COL9A2: variants seen among roughly 807,000 people sequenced by gnomAD.
The protein encoded by COL9A2 is collagen type IX alpha 2 chain.
In COL9A2, 66 loss-of-function variants were observed where a neutral mutation model predicts 111.6. That is an observed-to-expected ratio of 0.59 (90% confidence interval 0.48 to 0.73). The LOEUF is 0.73. COL9A2 is among the 30% of genes least tolerant of loss of function. The pLI is 0.00. For synonymous variants in COL9A2, 353 were observed against 364.1 expected (o/e 0.97, Z 0.35); for missense variants, 881 against 954.1 (o/e 0.92, Z 1.01).
Position 40,310,714 on chromosome 1 carries a change from C to T in COL9A2, c.684G>A (p.Pro228=), listed in dbSNP as rs147480957. Reference sequence around the variant, plus strand: ...GCCACTGAGGCAAGGTGTTCCTTACCGGTGGTCCAGGGATGCCTTGCTCTC... The same window carrying T: ...GCCACTGAGGCAAGGTGTTCCTTACTGGTGGTCCAGGGATGCCTTGCTCTC... ...ASGEQGIPGP[P]GPQGIRGYPG... The change falls in exon 13 of 32, where the codon CCG becomes CCA. Residue 228 remains proline, a splice_region_variant and synonymous_variant. Transcript: ENST00000372748. The surrounding 1 kb of genome is among the most constrained non-coding windows in gnomAD (Gnocchi z 4.9). 19 of 1,567,054 alleles carry T rather than the reference C, an allele frequency of 1.2e-5. 1 individual carries two copies. The highest frequency in any genetic ancestry group is 1.7e-4 in the Middle Eastern group (1 of 6,034).
intron 30 of COL9A2, 39 bp from the exon 31 acceptor site, chr1:40,301,928 G>C (rs761473011): frequency 6.4e-7 from 1 of 1,571,342 alleles, no homozygotes; most frequent in Admixed American, 1.7e-5. Context: ...TTCAGAATTG[G>C]AAAATGCTTT....
chr1:40,316,750 C>T lies in COL9A2; in HGVS notation c.75+373G>A. The T allele has an allele frequency of 2.7e-6, 1 of 364,036 alleles. No individual in the cohort carries two copies. Among genetic ancestry groups the T allele is most frequent in the Non-Finnish European group, 5.1e-6 (1 of 195,760 alleles). 22.6% of individuals were successfully genotyped at this position (364,036 alleles called of 1,614,324 possible). The stretch of plus-strand genomic sequence containing the variant: ...GGGCGACAGCGGCGTCTGGTTGGAG[C>T]CGGCGCCCCCTGGGAGGCGGCGGGG... On this transcript the variant is annotated intron_variant, in intron 1 of 31. Coordinates refer to ENST00000372748, the MANE Select transcript of COL9A2 (RefSeq NM_001852.4). This position sits in a 1 kb window ranked among gnomAD's most constrained non-coding sequence, Gnocchi z 5.5.
At chr1:40,309,011 C>T (rs935199946) in intron 16 of COL9A2, among the ~76,000 whole-genome samples, 5 of 152,062 alleles carry the variant, frequency 3.3e-5, no homozygotes, top group Non-Finnish European at 7.4e-5. Context: ...TTTGGGAGGC[C>T]GAGGCAGGTG....
chr1:40,309,766 A>G (rs1644089026), intron 16 of COL9A2, among the ~76,000 whole-genome samples, 172 bp downstream of exon 16: 1 of 151,708 alleles, frequency 6.6e-6, no homozygotes, highest in Non-Finnish European at 1.5e-5. Context: ...CTGTACACAT[A>G]CACTCATATA....
intron 19 of COL9A2, 80 bp from the exon 20 acceptor site, chr1:40,306,267 A>C: frequency 6.6e-7 from 1 of 1,508,254 alleles, no homozygotes; most frequent in Non-Finnish European, 9.2e-7. Flanking sequence ...CCCATCCCCA[A>C]TCCAGATTTC....
intron 16 of COL9A2, among the ~76,000 whole-genome samples, chr1:40,309,222 A>G (rs1321923304): frequency 6.6e-6 from 1 of 152,196 alleles, no homozygotes; most frequent in Non-Finnish European, 1.5e-5. Context: ...CCTGGGCAAC[A>G]AGAATAAAAC....
chr1:40,315,178 G>A, intron 2 of COL9A2: 1 of 989,160 alleles, frequency 1.0e-6, no homozygotes, highest in Non-Finnish European at 1.2e-6. Flanking sequence ...AAAACCGAAG[G>A]GAAGAGACAG....
intron 21 of COL9A2, chr1:40,305,066 T>TC (rs1644004196): frequency 5.5e-6 from 2 of 361,644 alleles, no homozygotes; most frequent in Non-Finnish European, 9.8e-6. Flanking sequence ...TCTTTCTTTT[T>TC]TTTTTTTTTT....
chr1:40,301,699 C>G (rs1440880654), intron 31 of COL9A2, 113 bp downstream of exon 31: 6 of 1,042,990 alleles, frequency 5.8e-6, no homozygotes, highest in Non-Finnish European at 7.1e-6. Flanking sequence ...AGCTGGGTAT[C>G]AAGGACTGAG....
At chr1:40,304,150 T>TC (rs1206133461) in intron 24 of COL9A2, 51 bp from the exon 25 acceptor site, 1 of 1,522,096 alleles carries the variant, frequency 6.6e-7, no homozygotes, top group Admixed American at 2.0e-5. Context: ...CTCCACGGGG[T>TC]CCCCCACCTA....
At chr1:40,309,063 G>A (rs1242795929) in intron 16 of COL9A2, among the ~76,000 whole-genome samples, 3 of 152,130 alleles carry the variant, frequency 2.0e-5, no homozygotes, top group Non-Finnish European at 4.4e-5. Context: ...CTAACATGGT[G>A]AAACCCTGTC....
intron 1 of COL9A2, chr1:40,315,946 G>A (rs1045776175): frequency 1.7e-5 from 6 of 353,366 alleles, no homozygotes; most frequent in Non-Finnish European, 2.6e-5. Context: ...GAGAGTGGGC[G>A]GCGGCGCCAG....
At chr1:40,301,402 A>G in intron 31 of COL9A2, 21 bp from the exon 32 acceptor site, 1 of 1,598,142 alleles carries the variant, frequency 6.3e-7, no homozygotes, top group Non-Finnish European at 8.5e-7. Flanking sequence ...GAGAAAGTCA[A>G]GACATTAGGG....
chr1:40,311,420 C>T lies in COL9A2; in HGVS notation c.519+80G>A. ...AGCCCCTCCCCATCTCTCCAGACAC[C>T]CCCATCTCCGTGGCCCCGCCTCCCC... On this transcript the variant is annotated intron_variant, in intron 10 of 31. Transcript: ENST00000372748. The surrounding 1 kb of genome is among the most constrained non-coding windows in gnomAD (Gnocchi z 5.1). 1 of 1,586,520 alleles carries T rather than the reference C, an allele frequency of 6.3e-7. No homozygotes were observed. The highest frequency in any genetic ancestry group is 8.6e-7 in the Non-Finnish European group (1 of 1,161,672).
rs1275315686 is a variant in COL9A2 at position 40,303,075 on chromosome 1, G to A, written c.1603+56C>T. 3 of 1,556,802 alleles carry A rather than the reference G, an allele frequency of 1.9e-6. No individual in the cohort carries two copies. The highest frequency in any genetic ancestry group is 2.6e-6 in the Non-Finnish European group (3 of 1,140,092). On this transcript the variant is annotated intron_variant, in intron 29 of 31. Transcript: ENST00000372748. The surrounding 1 kb of genome is among the most constrained non-coding windows in gnomAD (Gnocchi z 4.6). ...GAACACGTGGAGGCTCCGGGAGGGG[G>A]TGAGGGGGCGGCGATGCCCTCGAAC...
At chr1:40,306,421 A>G (rs1270680553) in intron 19 of COL9A2, among the ~76,000 whole-genome samples, 1 of 152,224 alleles carries the variant, frequency 6.6e-6, no homozygotes, top group Non-Finnish European at 1.5e-5. Flanking sequence ...AGAGATGGAT[A>G]TGTGCTCTCA....
At chr1:40,304,652 T>C (rs1643995016) in intron 22 of COL9A2, 123 bp from the exon 23 acceptor site, 1 of 1,410,010 alleles carries the variant, frequency 7.1e-7, no homozygotes, top group Non-Finnish European at 9.8e-7. Context: ...AGGGGGTCCT[T>C]TCTCCACTTG....
chr1:40,303,585 C>T lies in COL9A2; in HGVS notation c.1493G>A (p.Arg498Gln), dbSNP rs901545048. 1 of 1,609,268 alleles carries T rather than the reference C, an allele frequency of 6.2e-7. No individual in the cohort carries two copies. Among genetic ancestry groups the T allele is most frequent in the African/African-American group, 1.3e-5 (1 of 74,866 alleles). The change falls in exon 28 of 32, where the codon CGA (arginine) becomes CAA (glutamine). Residue 498 changes from arginine to glutamine, a missense_variant. Physicochemically the swap from Arg to Gln is conservative, Grantham distance 43 (BLOSUM62 1). Coordinates refer to ENST00000372748, the MANE Select transcript of COL9A2 (RefSeq NM_001852.4). This position sits in a 1 kb window ranked among gnomAD's most constrained non-coding sequence, Gnocchi z 4.6. ...VQGYPGPPGPRGLAGNRGVPG... is the reference protein window; with the variant it reads ...VQGYPGPPGPQGLAGNRGVPG... Reference sequence around the variant, plus strand: ...CACGCCTCGGTTCCCGGCCAGTCCTCGAGGGCCGGGGGGACCAGGGTAGCC... The same window carrying T: ...CACGCCTCGGTTCCCGGCCAGTCCTTGAGGGCCGGGGGGACCAGGGTAGCC...
intron 24 of COL9A2, 48 bp from the exon 25 acceptor site, chr1:40,304,147 G>A: frequency 1.3e-6 from 2 of 1,526,080 alleles, no homozygotes; most frequent in East Asian, 2.5e-5. Flanking sequence ...CCCCTCCACG[G>A]GGTCCCCCAC....
Sources: allele counts gnomAD v4.1 joint callset (sites outside exome capture counted in the v4.1 genomes callset), GRCh38; gene constraint gnomAD v4.1.1; non-coding constraint Gnocchi (gnomAD v3.1); transcripts MANE v1.5; gene names NCBI Gene and HGNC (gene_info 2026-07-23, HGNC 2026-07-21).